Variants in RASGRF2 observed in about 807,000 individuals in gnomAD.
RASGRF2 encodes ras-specific guanine nucleotide-releasing factor 2.
RASGRF2 carries 76 observed loss-of-function variants against 151.0 expected under a neutral mutation model. The ratio of observed to expected loss-of-function variants is 0.50; its 90% CI spans 0.42 to 0.61. The LOEUF is 0.61. Among genes scored for constraint, RASGRF2 ranks in the 20% least tolerant of loss-of-function variants. The probability of loss-of-function intolerance (pLI) is 0.00; values close to 1 mark genes in which losing one functional copy is unlikely to be tolerated. For synonymous variants in RASGRF2, 504 were observed against 566.5 expected, an observed-to-expected ratio of 0.89 and a Z score of 1.57; for missense variants, 1,148 against 1,564.6, an observed-to-expected ratio of 0.73 and a Z score of 4.49.
At chr5:81,084,322 T>C (rs992216423) in intron 7 of RASGRF2, among the ~76,000 whole-genome samples, 3 of 152,214 alleles carry the variant, frequency 2.0e-5, no homozygotes, top group African/African-American at 7.2e-5. Context: ...GGCAAACTTT[T>C]ATCAGTCATG....
At chr5:81,116,066 C>CTTTTTTTT (rs575647502) in intron 15 of RASGRF2, among the ~76,000 whole-genome samples, 557 of 49,076 alleles carry the variant, frequency 0.011, 155 homozygotes, top group Non-Finnish European at 0.017. Context: ...AATGCCATTT[C>CTTTTTTTT]TTTTTTTTTT....
rs542180780 is a variant in RASGRF2, at chr5:81,016,127, G to T, written c.289-26750G>T. On this transcript the variant is annotated intron_variant, in intron 1 of 26. Coordinates refer to ENST00000265080, the MANE Select transcript of RASGRF2 (RefSeq NM_006909.3). The stretch of plus-strand genomic sequence containing the variant: ...AGTAAATGAGAGAGCTGGGAGTGGG[G>T]TGAAGAGAATCATATAGATCAAATG... Among the ~76,000 whole-genome samples the T allele has an allele frequency of 5.9e-5, 9 of 152,304 alleles. No homozygotes were observed. In the South Asian group the frequency reaches 1.7e-3, roughly 28 times the overall value.
At chr5:81,058,586 A>G (rs1021294489) in intron 2 of RASGRF2, among the ~76,000 whole-genome samples, 1 of 152,126 alleles carries the variant, frequency 6.6e-6, no homozygotes, top group Admixed American at 6.5e-5. Flanking sequence ...GAAAATTACT[A>G]TGTGAAGAAT....
chr5:81,080,263 G>T, intron 6 of RASGRF2, 63 bp downstream of exon 6: 8 of 1,567,490 alleles, frequency 5.1e-6, no homozygotes, highest in Middle Eastern at 1.7e-4. Flanking sequence ...GAGTAAAATA[G>T]CTCCAACATT....
At chr5:81,197,328 C>T (rs542399441) in intron 18 of RASGRF2, among the ~76,000 whole-genome samples, 9 of 150,830 alleles carry the variant, frequency 6.0e-5, no homozygotes, top group African/African-American at 2.2e-4. Context: ...CGGTGGCGGG[C>T]GCCTGTAGTC....
chr5:81,179,778 A>G (rs993959853), intron 17 of RASGRF2, among the ~76,000 whole-genome samples: 1 of 152,220 alleles, frequency 6.6e-6, no homozygotes, highest in South Asian at 2.1e-4. Flanking sequence ...TCATCTACAG[A>G]TATTGAAAAT....
At chr5:81,058,667 A>G (rs1372430900) in intron 2 of RASGRF2, among the ~76,000 whole-genome samples, 1 of 149,434 alleles carries the variant, frequency 6.7e-6, no homozygotes, top group Non-Finnish European at 1.5e-5. Flanking sequence ...GCCATGTGTG[A>G]TAGCTTGCAC....
chr5:81,060,387 G>C (rs759272807), intron 2 of RASGRF2, among the ~76,000 whole-genome samples: 5 of 152,062 alleles, frequency 3.3e-5, no homozygotes, highest in Admixed American at 6.6e-5. Flanking sequence ...GCTTCAAGTC[G>C]TTTCTCCAGT....
chr5:81,193,995 C>T (rs1333339054), intron 18 of RASGRF2, among the ~76,000 whole-genome samples: 1 of 152,070 alleles, frequency 6.6e-6, no homozygotes, highest in African/African-American at 2.4e-5. Context: ...AAATGGAAAT[C>T]ATGATAGTAA....
At chr5:80,961,067 G>A (rs1370073108) in intron 1 of RASGRF2, 41 bp downstream of exon 1, 9 of 1,408,280 alleles carry the variant, frequency 6.4e-6, no homozygotes, top group Non-Finnish European at 8.4e-6. Context: ...AGCCTTGATC[G>A]CCGCACTCCC....
At chr5:81,068,761 T>C (rs1751688940) in intron 3 of RASGRF2, among the ~76,000 whole-genome samples, 1 of 152,112 alleles carries the variant, frequency 6.6e-6, no homozygotes, top group African/African-American at 2.4e-5. Context: ...CCCCAGATAG[T>C]GAGGCTGATG....
intron 18 of RASGRF2, among the ~76,000 whole-genome samples, chr5:81,180,916 C>T (rs562629881): frequency 6.6e-6 from 1 of 152,056 alleles, no homozygotes; most frequent in Non-Finnish European, 1.5e-5. Context: ...CAAAACAAGT[C>T]AGGTGCCACT....
intron 9 of RASGRF2, among the ~76,000 whole-genome samples, chr5:81,089,716 C>T (rs899409631): frequency 4.6e-5 from 7 of 152,170 alleles, no homozygotes; most frequent in African/African-American, 1.7e-4. Context: ...TACTTCCTTG[C>T]TGTGTGATAT....
At chr5:81,129,582 T>C (rs1753561246) in intron 17 of RASGRF2, among the ~76,000 whole-genome samples, 1 of 152,142 alleles carries the variant, frequency 6.6e-6, no homozygotes, top group Non-Finnish European at 1.5e-5. Flanking sequence ...TTAAAACCTT[T>C]CCCCAAAAGT....
chr5:81,215,109 C>T (rs1417151348), intron 23 of RASGRF2, among the ~76,000 whole-genome samples: 2 of 151,974 alleles, frequency 1.3e-5, no homozygotes, highest in Non-Finnish European at 2.9e-5. Context: ...GAGGCCGAGG[C>T]GGGCAGATCA....
At chr5:81,196,188 G>C (rs1452382470) in intron 18 of RASGRF2, among the ~76,000 whole-genome samples, 1 of 152,194 alleles carries the variant, frequency 6.6e-6, no homozygotes, top group East Asian at 1.9e-4. Flanking sequence ...GAACCTGGGA[G>C]GCAGAGGCTA....
At chr5:81,018,142 G>GA (rs1366194358) in intron 1 of RASGRF2, among the ~76,000 whole-genome samples, 1 of 151,622 alleles carries the variant, frequency 6.6e-6, no homozygotes, top group Non-Finnish European at 1.5e-5. Context: ...AGAAAAAACA[G>GA]AAAAAAAGAC....
intron 1 of RASGRF2, among the ~76,000 whole-genome samples, chr5:80,968,559 T>C (rs945930012): frequency 6.6e-6 from 1 of 152,242 alleles, no homozygotes; most frequent in African/African-American, 2.4e-5. Flanking sequence ...GGTAGCCCTC[T>C]TTTTTGTTTC....
chr5:81,023,784 C>T (rs1213703365), intron 1 of RASGRF2, among the ~76,000 whole-genome samples: 1 of 152,152 alleles, frequency 6.6e-6, no homozygotes, highest in Non-Finnish European at 1.5e-5. Context: ...ATACATTGGG[C>T]TAGTTCATTA....
Sources: gnomAD v4.1 joint callset for allele counts (sites outside exome capture counted in the v4.1 genomes callset) on GRCh38, gnomAD v4.1.1 for gene constraint, MANE v1.5 for transcripts, NCBI Gene and HGNC (gene_info 2026-07-23, HGNC 2026-07-21) for gene names.